The following NRG3 variants were observed in gnomAD, a reference collection of about 807,000 sequenced individuals.
NRG3 encodes the protein pro-neuregulin-3, membrane-bound isoform.
A neutral mutation model predicts 66.9 loss-of-function variants in NRG3; 31 were observed. That is an observed-to-expected ratio of 0.46 (90% CI 0.35 to 0.63). The LOEUF (loss-of-function observed/expected upper bound fraction) is 0.63, where lower values mean the gene tolerates loss of function less well. NRG3 is among the 20% of genes least tolerant of loss of function. The pLI is 0.00. For synonymous variants in NRG3, 393 were observed against 359.4 expected, an observed-to-expected ratio of 1.09 and a Z score of -1.06; for missense variants, 910 against 878.9, an observed-to-expected ratio of 1.04 and a Z score of -0.45.
chr10:82,731,713 T>C (rs1047472737), intron 2 of NRG3, among the ~76,000 whole-genome samples: 1 of 152,230 alleles, frequency 6.6e-6, no homozygotes, highest in African/African-American at 2.4e-5. Context: ...TGGGCTATTG[T>C]GAATAGTGTT....
intron 1 of NRG3, among the ~76,000 whole-genome samples, chr10:82,167,188 A>T (rs1186274969): frequency 2.0e-5 from 3 of 151,628 alleles, no homozygotes; most frequent in African/African-American, 7.3e-5. Flanking sequence ...ATGCCTAGTA[A>T]TTTTTTATTC....
At chr10:81,976,055 A>G (rs1283377167) in intron 1 of NRG3, among the ~76,000 whole-genome samples, 1 of 152,164 alleles carries the variant, frequency 6.6e-6, no homozygotes, top group Non-Finnish European at 1.5e-5. Context: ...CCAATTAGAC[A>G]CATTTTAGAT....
chr10:82,524,142 T>C (rs530734887), intron 2 of NRG3, among the ~76,000 whole-genome samples: 3 of 152,074 alleles, frequency 2.0e-5, no homozygotes, highest in Non-Finnish European at 2.9e-5. Context: ...TTTGTGATTA[T>C]CTATTCAAGA....
At chr10:82,895,683 T>G (rs1022253103) in intron 4 of NRG3, among the ~76,000 whole-genome samples, 4 of 152,108 alleles carry the variant, frequency 2.6e-5, no homozygotes, top group East Asian at 3.9e-4. Flanking sequence ...ATAGAGACGG[T>G]GTTTCACCGT....
At chr10:82,716,713 A>C (rs1159822380) in intron 2 of NRG3, among the ~76,000 whole-genome samples, 1 of 152,244 alleles carries the variant, frequency 6.6e-6, no homozygotes, top group Non-Finnish European at 1.5e-5. Context: ...AGAGACTCTC[A>C]ACAATCTGTA....
chr10:82,729,462 G>A (rs2057782146), intron 2 of NRG3, among the ~76,000 whole-genome samples: 1 of 152,096 alleles, frequency 6.6e-6, no homozygotes, highest in Non-Finnish European at 1.5e-5. Context: ...TATACCAGAT[G>A]TGGTAAAATC....
In NRG3 at chr10:82,548,842, A is replaced by G. The variant is rs535228558; in HGVS notation, c.954-189735A>G. ...GCAGAAAAGAGGTATCTAAGAAGCA[A>G]TGGTCTGGAATCCAGGCAGAAGGCG... is the stretch of plus-strand genomic sequence containing the variant. On this transcript the variant is annotated intron_variant, in intron 2 of 8. Coordinates refer to ENST00000372141, the MANE Select transcript of NRG3 (RefSeq NM_001010848.4). Among the ~76,000 whole-genome samples, 198 of 152,324 alleles carry G rather than the reference A, an allele frequency of 1.3e-3. 1 individual carries two copies. Among genetic ancestry groups the G allele is most frequent in the African/African-American group, 4.3e-3 (180 of 41,574 alleles).
chr10:82,408,366 A>G (rs935412107), intron 2 of NRG3, among the ~76,000 whole-genome samples: 3 of 152,174 alleles, frequency 2.0e-5, no homozygotes, highest in African/African-American at 7.2e-5. Flanking sequence ...AAAACCACTT[A>G]AAACTGATGT....
intron 1 of NRG3, among the ~76,000 whole-genome samples, chr10:81,946,404 G>C (rs1467352989): frequency 6.6e-6 from 1 of 152,046 alleles, no homozygotes; most frequent in Non-Finnish European, 1.5e-5. Flanking sequence ...GGCAACCCTA[G>C]GAAACTAATA....
intron 1 of NRG3, among the ~76,000 whole-genome samples, chr10:82,115,270 C>T (rs1201203441): frequency 1.3e-5 from 2 of 152,098 alleles, no homozygotes; most frequent in Admixed American, 6.6e-5. Flanking sequence ...TCCCTAGATA[C>T]TGCATAAATG....
chr10:82,973,808 T>C lies in NRG3; in HGVS notation c.1305T>C (p.His435=). The change falls in exon 7 of 9, where the codon CAT becomes CAC. Residue 435 remains histidine, a synonymous_variant. Transcript: ENST00000372141. ...QLQNYSKVER[H]PVTALEKMME... ...CACAGTATTCAAAGGTGGAAAGGCA[T>C]CCTGTGACTGCATTGGAGAAAATGA... is the stretch of plus-strand genomic sequence containing the variant. The C allele has an allele frequency of 6.2e-7, 1 of 1,614,066 alleles. No individual in the cohort carries two copies. Among genetic ancestry groups the C allele is most frequent in the Non-Finnish European group, 8.5e-7 (1 of 1,179,910 alleles).
intron 2 of NRG3, among the ~76,000 whole-genome samples, chr10:82,532,614 A>G (rs1396241824): frequency 1.3e-5 from 2 of 148,434 alleles, no homozygotes; most frequent in Non-Finnish European, 3.0e-5. Context: ...TGTATATAGT[A>G]CTATATAGAG....
intron 2 of NRG3, among the ~76,000 whole-genome samples, chr10:82,736,700 C>A (rs1420004604): frequency 6.6e-6 from 1 of 152,206 alleles, no homozygotes; most frequent in Non-Finnish European, 1.5e-5. Flanking sequence ...TCCTTATTTT[C>A]TTTCCCACAC....
intron 1 of NRG3, among the ~76,000 whole-genome samples, chr10:82,234,138 C>T (rs1219891843): frequency 6.6e-6 from 1 of 152,140 alleles, no homozygotes; most frequent in Admixed American, 6.5e-5. Context: ...TACCAGGGTC[C>T]AAATGCCTTC....
intron 2 of NRG3, among the ~76,000 whole-genome samples, chr10:82,571,575 T>C (rs936958962): frequency 6.6e-6 from 1 of 151,644 alleles, no homozygotes; most frequent in Non-Finnish European, 1.5e-5. Flanking sequence ...TTCAAAAGAA[T>C]AGCGAGATAC....
intron 2 of NRG3, among the ~76,000 whole-genome samples, chr10:82,360,513 C>G (rs1366312286): frequency 6.6e-6 from 1 of 152,198 alleles, no homozygotes; most frequent in Non-Finnish European, 1.5e-5. Flanking sequence ...GATCAGGTCC[C>G]ACCACAGTAT....
chr10:82,283,488 T>G (rs1357699523), intron 1 of NRG3, among the ~76,000 whole-genome samples: 2 of 152,208 alleles, frequency 1.3e-5, no homozygotes, highest in Admixed American at 1.3e-4. Flanking sequence ...TTTTGTCAAA[T>G]ATAGTTCAAC....
At chr10:82,052,440 G>A (rs1342488239) in intron 1 of NRG3, among the ~76,000 whole-genome samples, 1 of 152,140 alleles carries the variant, frequency 6.6e-6, no homozygotes, top group Non-Finnish European at 1.5e-5. Flanking sequence ...CAGAGATGCA[G>A]GAGGAATGGG....
At chr10:82,074,028 T>C (rs1022207628) in intron 1 of NRG3, among the ~76,000 whole-genome samples, 1 of 151,422 alleles carries the variant, frequency 6.6e-6, no homozygotes, top group African/African-American at 2.4e-5. Context: ...ATATAAAATA[T>C]GAAAAGAGAG....
Sources: gnomAD v4.1 joint callset for allele counts (sites outside exome capture counted in the v4.1 genomes callset) on GRCh38, gnomAD v4.1.1 for gene constraint, MANE v1.5 for transcripts, NCBI Gene and HGNC (gene_info 2026-07-23, HGNC 2026-07-21) for gene names.